DPYD: variants seen among roughly 807,000 people sequenced by gnomAD.
The protein encoded by DPYD is dihydropyrimidine dehydrogenase [NADP(+)].
In DPYD, 109 loss-of-function variants were observed where a neutral mutation model predicts 116.2. The observed-to-expected ratio is 0.94, with a 90% confidence interval of 0.80 to 1.10. DPYD has a LOEUF of 1.10. Among genes scored for constraint, DPYD ranks in the 50% least tolerant of loss-of-function variants. The pLI is 0.00. For missense variants in DPYD, 1,302 were observed against 1,254.5 expected, an observed-to-expected ratio of 1.04 and a Z score of -0.57; for synonymous variants, 440 against 432.0, an observed-to-expected ratio of 1.02 and a Z score of -0.23.
At chr1:97,342,910 A>G (rs929295187) in intron 16 of DPYD, among the ~76,000 whole-genome samples, 5 of 152,136 alleles carry the variant, frequency 3.3e-5, no homozygotes, top group African/African-American at 1.2e-4. Context: ...GAACAATTCA[A>G]TTTATTTTTA....
At chr1:97,569,191 G>A (rs1268370991) in intron 11 of DPYD, among the ~76,000 whole-genome samples, 3 of 151,794 alleles carry the variant, frequency 2.0e-5, no homozygotes, top group Non-Finnish European at 2.9e-5. Context: ...TCTTACTAAT[G>A]CAAAACTAAC....
intron 18 of DPYD, chr1:97,295,601 T>C: frequency 5.2e-6 from 1 of 192,336 alleles, no homozygotes; most frequent in Non-Finnish European, 9.5e-6. Flanking sequence ...AGGCTAAGTT[T>C]TGTGTTTTTG....
At chr1:97,311,927 G>A (rs1667545096) in intron 16 of DPYD, among the ~76,000 whole-genome samples, 1 of 151,806 alleles carries the variant, frequency 6.6e-6, no homozygotes, top group African/African-American at 2.4e-5. Flanking sequence ...GAAAAGCAAA[G>A]CAAAGAGTAG....
intron 19 of DPYD, among the ~76,000 whole-genome samples, chr1:97,198,419 G>T (rs1303436963): frequency 6.6e-6 from 1 of 152,184 alleles, no homozygotes; most frequent in African/African-American, 2.4e-5. Context: ...ATAATTTGCT[G>T]ATTAAATACT....
At chr1:97,081,697 T>TTTTTC (rs759634269) in intron 22 of DPYD, among the ~76,000 whole-genome samples, 234 of 147,628 alleles carry the variant, frequency 1.6e-3, no homozygotes, top group African/African-American at 4.4e-3. Flanking sequence ...TTTCTTTTTC[T>TTTTTC]TTTTCTTTTC....
Position 97,183,409 on chromosome 1 carries a change from A to T in DPYD, c.2622+9660T>A, listed in dbSNP as rs889582891. Reference sequence around the variant, plus strand: ...TTGCACCCCTGTCAAAAATCAATTGAGTGTATATGTGTGGGTCTATTTCTG... The same window carrying T: ...TTGCACCCCTGTCAAAAATCAATTGTGTGTATATGTGTGGGTCTATTTCTG... On this transcript the variant is annotated intron_variant, in intron 20 of 22. Coordinates refer to ENST00000370192, the MANE Select transcript of DPYD (RefSeq NM_000110.4). Among the ~76,000 whole-genome samples the T allele has an allele frequency of 5.3e-5, 8 of 152,016 alleles. 1 individual carries two copies. The highest frequency in any genetic ancestry group is 1.5e-5 in the Non-Finnish European group (1 of 67,982).
intron 20 of DPYD, among the ~76,000 whole-genome samples, chr1:97,153,559 T>A (rs1294705963): frequency 6.6e-6 from 1 of 151,946 alleles, no homozygotes; most frequent in Non-Finnish European, 1.5e-5. Flanking sequence ...GAAGGTGACA[T>A]TAAAAAAAAC....
At chr1:97,631,926 T>G (rs1657284920) in intron 8 of DPYD, among the ~76,000 whole-genome samples, 1 of 152,030 alleles carries the variant, frequency 6.6e-6, no homozygotes, top group South Asian at 2.1e-4. Context: ...CCTTTGAAAT[T>G]GAGATTTGAA....
chr1:97,469,410 A>AAAAAAAAAAAAAAG, intron 13 of DPYD, among the ~76,000 whole-genome samples: 1 of 96,162 alleles, frequency 1.0e-5, no homozygotes, highest in Non-Finnish European at 2.4e-5. Flanking sequence ...AAAAAAAAAA[A>AAAAAAAAAAAAAAG]AAAAAAAAAA....
chr1:97,668,933 T>A (rs1475773951), intron 8 of DPYD, among the ~76,000 whole-genome samples: 4 of 152,306 alleles, frequency 2.6e-5, no homozygotes, highest in African/African-American at 9.6e-5. Context: ...TTTATTCTCA[T>A]AATGGATGTA....
At position 97,508,144 on chromosome 1, in the gene DPYD, C is replaced by A. The variant is rs531051197; in HGVS notation, c.1740+7582G>T. On this transcript the variant is annotated intron_variant, in intron 13 of 22. Transcript: ENST00000370192. ...AAGTGGCTAAAACAGAAATAGATGT[C>A]CAAGAGCATGGCAATTTCATATGGT... Among the ~76,000 whole-genome samples, 90 of 152,000 alleles carry A rather than the reference C, an allele frequency of 5.9e-4. 1 individual carries two copies. Among genetic ancestry groups the A allele is most frequent in the African/African-American group, 2.0e-3 (84 of 41,488 alleles).
chr1:97,452,150 C>G (rs1676451594), intron 13 of DPYD, among the ~76,000 whole-genome samples: 1 of 152,150 alleles, frequency 6.6e-6, no homozygotes, highest in Admixed American at 6.6e-5. Context: ...TTCACTTAGA[C>G]TTCAGTTCCT....
intron 12 of DPYD, among the ~76,000 whole-genome samples, chr1:97,529,665 CTTT>C (rs1055215789): frequency 1.3e-5 from 2 of 149,762 alleles, no homozygotes; most frequent in African/African-American, 2.4e-5. Context: ...TCCTTTTTTT[CTTT>C]TCTCTTTCTC....
chr1:97,432,401 A>G, intron 14 of DPYD, among the ~76,000 whole-genome samples: 1 of 152,050 alleles, frequency 6.6e-6, no homozygotes, highest in East Asian at 1.9e-4. Flanking sequence ...CATTTCTCAT[A>G]ATGTATTCTT....
At chr1:97,347,094 T>A (rs1271079974) in intron 16 of DPYD, among the ~76,000 whole-genome samples, 1 of 151,882 alleles carries the variant, frequency 6.6e-6, no homozygotes, top group African/African-American at 2.4e-5. Context: ...TCATTTTTTA[T>A]CTCTTTATTT....
chr1:97,084,720 C>T (rs1212205793), intron 21 of DPYD, among the ~76,000 whole-genome samples: 4 of 152,058 alleles, frequency 2.6e-5, no homozygotes, highest in African/African-American at 4.8e-5. Flanking sequence ...CTTTAAATAC[C>T]ACGATCATCA....
At chr1:97,207,674 T>C (rs1210428848) in intron 19 of DPYD, among the ~76,000 whole-genome samples, 3 of 152,120 alleles carry the variant, frequency 2.0e-5, no homozygotes, top group Non-Finnish European at 4.4e-5. Flanking sequence ...TTTTCACACA[T>C]ATATATTAAA....
intron 18 of DPYD, among the ~76,000 whole-genome samples, chr1:97,246,087 C>T (rs1166752415): frequency 1.3e-5 from 2 of 152,026 alleles, no homozygotes; most frequent in Admixed American, 1.3e-4. Flanking sequence ...TTATCTGAAC[C>T]CTCTGAATCA....
intron 2 of DPYD, among the ~76,000 whole-genome samples, chr1:97,852,023 C>CAAAA (rs555567071): frequency 3.3e-4 from 24 of 73,792 alleles, no homozygotes; most frequent in African/African-American, 4.4e-4. Context: ...GTGCAATTTA[C>CAAAA]AAAAAAAAAA....
Sources: gnomAD v4.1 joint callset for allele counts (sites outside exome capture counted in the v4.1 genomes callset) on GRCh38, gnomAD v4.1.1 for gene constraint, MANE v1.5 for transcripts, NCBI Gene and HGNC (gene_info 2026-07-23, HGNC 2026-07-21) for gene names.